Variants in ANO6 observed in about 807,000 individuals in gnomAD.
ANO6 encodes anoctamin-6.
In ANO6, 106 loss-of-function variants were observed where a neutral mutation model predicts 117.5. That is an observed-to-expected ratio of 0.90 (90% CI 0.77 to 1.06). ANO6 has a LOEUF of 1.06. ANO6 is among the 50% of genes least tolerant of loss of function. The pLI, the probability that ANO6 is intolerant of heterozygous loss-of-function variation, is 0.00. For synonymous variants in ANO6, 367 were observed against 385.1 expected (o/e 0.95, Z 0.55); for missense variants, 955 against 1,121.1 (o/e 0.85, Z 2.12).
At chr12:45,253,680 A>G (rs1243900418) in intron 1 of ANO6, among the ~76,000 whole-genome samples, 1 of 152,212 alleles carries the variant, frequency 6.6e-6, no homozygotes, top group Non-Finnish European at 1.5e-5. Context: ...TTGGTTGTAG[A>G]TGATAGCCAG....
At chr12:45,350,796 T>C in intron 7 of ANO6, 22 bp downstream of exon 7, 1 of 1,589,426 alleles carries the variant, frequency 6.3e-7, no homozygotes, top group Non-Finnish European at 8.6e-7. Flanking sequence ...TAGGGAGTAC[T>C]CCAGGGGGAG....
chr12:45,436,767 C>T (rs534219744), downstream of ANO6, among the ~76,000 whole-genome samples: 22 of 152,072 alleles, frequency 1.4e-4, no homozygotes, highest in African/African-American at 2.7e-4. Flanking sequence ...CAGGAGCTAA[C>T]GACCAGCCTG....
rs199846061 is a variant in ANO6 at position 45,350,620 on chromosome 12, G to T, written c.748-39G>T. On this transcript the variant is annotated intron_variant, in intron 6 of 19. Coordinates refer to ENST00000320560, the MANE Select transcript of ANO6 (RefSeq NM_001025356.3). ...TTAAGAAGCAGATTTGTGAAAACAC[G>T]ATGATTATGGTGCTTACATGTTCCC... is the stretch of plus-strand genomic sequence containing the variant. 7 of 1,509,772 alleles carry T rather than the reference G, an allele frequency of 4.6e-6. No individual in the cohort carries two copies. In the South Asian group the frequency reaches 8.0e-5, roughly 17 times the overall value. The allele number at this position is 1,509,772 out of a possible 1,614,324, so 93.5% of individuals were successfully genotyped here. A position where few individuals can be genotyped will look rare whatever the true frequency, so the allele number is the denominator to read the frequency against.
chr12:45,370,583 T>C (rs1941798831), intron 9 of ANO6, among the ~76,000 whole-genome samples: 1 of 152,206 alleles, frequency 6.6e-6, no homozygotes, highest in South Asian at 2.1e-4. Flanking sequence ...AAAATGGAAG[T>C]GGCATTGGAC....
chr12:45,255,860 G>A (rs931292277), intron 1 of ANO6, among the ~76,000 whole-genome samples: 3 of 124,998 alleles, frequency 2.4e-5, no homozygotes, highest in African/African-American at 6.5e-5. Context: ...TCGCCCATTC[G>A]CACAGGCCAG....
At chr12:45,378,554 G>C (rs772057845) in intron 10 of ANO6, among the ~76,000 whole-genome samples, 8 of 152,164 alleles carry the variant, frequency 5.3e-5, no homozygotes, top group Admixed American at 3.9e-4. Context: ...GTTCCAAAGA[G>C]AAGAGAGGAC....
intron 3 of ANO6, among the ~76,000 whole-genome samples, chr12:45,338,616 C>T (rs1940892571): frequency 1.3e-5 from 2 of 151,890 alleles, no homozygotes; most frequent in Non-Finnish European, 2.9e-5. Context: ...TTTATCTTTT[C>T]CCTTGCTTTA....
rs567736526 is a variant in ANO6, at chr12:45,394,365, G to A, written c.1386+3867G>A. Among the ~76,000 whole-genome samples, 50 of 152,216 alleles carry A rather than the reference G, an allele frequency of 3.3e-4. 1 individual carries two copies. The East Asian group carries it at 7.7e-3, about 23-fold the overall frequency. On this transcript the variant is annotated intron_variant, in intron 12 of 19. Coordinates refer to ENST00000320560, the MANE Select transcript of ANO6 (RefSeq NM_001025356.3). ...TCATAAAGCAAGTCCTTAGAGACCTGCAAAGAGACTTAGACTCCCACACAA... is the reference window on the plus strand; with the variant it reads ...TCATAAAGCAAGTCCTTAGAGACCTACAAAGAGACTTAGACTCCCACACAA...
chr12:45,251,873 C>A (rs182199434), intron 1 of ANO6, among the ~76,000 whole-genome samples: 1 of 152,206 alleles, frequency 6.6e-6, no homozygotes, highest in African/African-American at 2.4e-5. Context: ...GAAAAGACAG[C>A]CTTCTGCCCT....
Position 45,388,305 on chromosome 12 carries a change from T to C in ANO6, c.1308+2T>C, listed in dbSNP as rs2137575812. 1 of 1,613,972 alleles carries C rather than the reference T, an allele frequency of 6.2e-7. No homozygotes were observed. Among genetic ancestry groups the C allele is most frequent in the Non-Finnish European group, 8.5e-7 (1 of 1,179,856 alleles). The stretch of plus-strand genomic sequence containing the variant: ...GTAGTGATAAATGAGATTACTCAGG[T>C]AAGCAGGGTCGTATTTAGGTGCAGT... On this transcript the variant is annotated splice_donor_variant, in intron 11 of 19. Coordinates refer to ENST00000320560, the MANE Select transcript of ANO6 (RefSeq NM_001025356.3). LOFTEE classifies it high-confidence loss of function.
chr12:45,302,482 C>T (rs1379201739), intron 2 of ANO6, among the ~76,000 whole-genome samples: 2 of 152,082 alleles, frequency 1.3e-5, no homozygotes, highest in African/African-American at 2.4e-5. Context: ...TCACTGGTAG[C>T]GAACATAGTC....
intron 1 of ANO6, among the ~76,000 whole-genome samples, chr12:45,245,357 T>G (rs1264946512): frequency 2.0e-5 from 3 of 152,068 alleles, no homozygotes; most frequent in African/African-American, 7.2e-5. Context: ...TTAATAATTG[T>G]TAATATAAAT....
rs372128972 is a variant in ANO6 at position 45,397,660 on chromosome 12, AAAG to A, written c.1387-4134_1387-4132del. Among the ~76,000 whole-genome samples, 811 of 152,332 alleles carry A rather than the reference AAAG, an allele frequency of 5.3e-3. 12 individuals carry two copies. The highest frequency in any genetic ancestry group is 0.018 in the African/African-American group (764 of 41,562). ...CCATGGAATACTATGCAGCCATAAA[AAAG>A]GATGAGTTCATGTCTGTTGCAGGGA... On this transcript the variant is annotated intron_variant, in intron 12 of 19. Coordinates refer to ENST00000320560, the MANE Select transcript of ANO6 (RefSeq NM_001025356.3).
chr12:45,336,591 T>C (rs1207172403), intron 3 of ANO6, among the ~76,000 whole-genome samples: 2 of 152,028 alleles, frequency 1.3e-5, no homozygotes. Context: ...ATGTCTGTGG[T>C]CATGCTGGTA....
chr12:45,341,281 C>G (rs906794982), intron 3 of ANO6, among the ~76,000 whole-genome samples: 1 of 152,140 alleles, frequency 6.6e-6, no homozygotes, highest in Non-Finnish European at 1.5e-5. Flanking sequence ...ATTGAATACA[C>G]TCTTTAACAA....
chr12:45,391,973 T>C lies in ANO6; in HGVS notation c.1386+1475T>C, dbSNP rs565752375. 2.2e-4 allele frequency among the ~76,000 whole-genome samples: 34 copies of C among 152,306 alleles called. No homozygotes were observed. In the South Asian group the frequency reaches 7.1e-3, roughly 32 times the overall value. On this transcript the variant is annotated intron_variant, in intron 12 of 19. Transcript: ENST00000320560. ...GTAATTTCTGCATTTCCAACTGAGG[T>C]ACCTGGTTCATCTCATTGGGATTGG...
intron 8 of ANO6, among the ~76,000 whole-genome samples, chr12:45,363,454 C>A (rs866438500): frequency 1.1e-4 from 16 of 151,736 alleles, no homozygotes; most frequent in African/African-American, 3.6e-4. Context: ...GTCCCAGCTA[C>A]TTGGGAGGCT....
At chr12:45,242,459 T>G (rs140252949) in intron 1 of ANO6, among the ~76,000 whole-genome samples, 124 of 152,318 alleles carry the variant, frequency 8.1e-4, no homozygotes, top group Non-Finnish European at 1.2e-3. Context: ...AGTGTCCAGT[T>G]TTTCCAGGTA....
chr12:45,285,395 A>G (rs891695581), intron 1 of ANO6, among the ~76,000 whole-genome samples: 1 of 152,244 alleles, frequency 6.6e-6, no homozygotes. Context: ...AAAACAGCAT[A>G]GATTCAAGCC....
Sources: gnomAD v4.1 joint callset for allele counts (sites outside exome capture counted in the v4.1 genomes callset) on GRCh38, gnomAD v4.1.1 for gene constraint, MANE v1.5 for transcripts, NCBI Gene and HGNC (gene_info 2026-07-23, HGNC 2026-07-21) for gene names.